TCF3: variants seen among roughly 807,000 people sequenced by gnomAD.
TCF3 encodes transcription factor E2-alpha.
In TCF3, 54 loss-of-function variants were observed where a neutral mutation model predicts 72.3. That is an observed-to-expected ratio of 0.75 (90% confidence interval 0.60 to 0.94). The LOEUF (loss-of-function observed/expected upper bound fraction) is 0.94. Ranked by LOEUF, TCF3 falls within the 40% of genes least tolerant of loss-of-function variation. TCF3 has a pLI of 0.00. For missense variants in TCF3, 1,078 were observed against 934.4 expected, an observed-to-expected ratio of 1.15 and a Z score of -2.00; for synonymous variants, 525 against 412.6, an observed-to-expected ratio of 1.27 and a Z score of -3.30.
chr19:1,621,185 C>G lies in TCF3; in HGVS notation c.962G>C (p.Arg321Pro). The G allele has an allele frequency of 6.5e-7, 1 of 1,536,386 alleles. No individual in the cohort carries two copies. Among genetic ancestry groups the G allele is most frequent in the Non-Finnish European group, 8.7e-7 (1 of 1,146,128 alleles). The change falls in exon 12 of 19, where the codon CGA becomes CCA. Residue 321 changes from arginine to proline, a missense_variant. Transcript: ENST00000262965. The stretch of plus-strand genomic sequence containing the variant: ...CCCGGAGCTGCCAGCTGTGGTCCCT[C>G]GGGAGCCTGTGGGTGAAGAGAGGTG... ...VSGADSLLGS[R>P]GTTAGSSGDA...
At chr19:1,618,055 C>T (rs928945335) in intron 16 of TCF3, among the ~76,000 whole-genome samples, 3 of 152,134 alleles carry the variant, frequency 2.0e-5, no homozygotes, top group Non-Finnish European at 4.4e-5. Context: ...AATGACCCCA[C>T]CTTCTCCTGG....
chr19:1,644,109 G>A (rs1185787184), intron 3 of TCF3, among the ~76,000 whole-genome samples: 3 of 152,228 alleles, frequency 2.0e-5, no homozygotes, highest in African/African-American at 7.2e-5. Flanking sequence ...TGGGTCCTCG[G>A]AGAGGAGAAG....
chr19:1,625,308 A>G (rs1350545786), intron 7 of TCF3, among the ~76,000 whole-genome samples: 2 of 152,240 alleles, frequency 1.3e-5, no homozygotes, highest in African/African-American at 4.8e-5. Flanking sequence ...CAGAAAGCAC[A>G]TGGCAGAGCC....
intron 1 of TCF3, among the ~76,000 whole-genome samples, chr19:1,651,952 G>GT (rs1208745926): frequency 6.6e-6 from 1 of 150,956 alleles, no homozygotes; most frequent in South Asian, 2.1e-4. Flanking sequence ...GCGCCCCGGG[G>GT]TCCCCGTGCG....
intron 7 of TCF3, among the ~76,000 whole-genome samples, chr19:1,624,489 G>A (rs932109217): frequency 2.6e-5 from 4 of 152,186 alleles, no homozygotes; most frequent in Non-Finnish European, 4.4e-5. Flanking sequence ...GTTTTCTCCC[G>A]CGACGCGCAG....
At chr19:1,638,554 T>C (rs551491734) in intron 3 of TCF3, among the ~76,000 whole-genome samples, 4 of 152,274 alleles carry the variant, frequency 2.6e-5, no homozygotes, top group East Asian at 3.9e-4. Flanking sequence ...TTTTTAAAAG[T>C]AGCAATTTAT....
intron 16 of TCF3, among the ~76,000 whole-genome samples, chr19:1,618,038 C>A: frequency 1.3e-5 from 2 of 152,252 alleles, no homozygotes; most frequent in South Asian, 4.1e-4. Flanking sequence ...GCCAGGACAG[C>A]GCCCACAATG....
chr19:1,644,779 CAG>C (rs2065834423), intron 3 of TCF3, among the ~76,000 whole-genome samples: 1 of 152,110 alleles, frequency 6.6e-6, no homozygotes, highest in African/African-American at 2.4e-5. Flanking sequence ...TGAGAGGCGA[CAG>C]GGGACGAGGG....
intron 2 of TCF3, among the ~76,000 whole-genome samples, chr19:1,648,603 CG>C (rs1312048946): frequency 6.6e-6 from 1 of 152,210 alleles, no homozygotes; most frequent in Non-Finnish European, 1.5e-5. Flanking sequence ...AAAAATAAAA[CG>C]GGGCTTAAAA....
At position 1,641,201 on chromosome 19, in the gene TCF3, A is replaced by G. The variant is rs889492061; in HGVS notation, c.145+5154T>C. 6.7e-5 allele frequency among the ~76,000 whole-genome samples: 10 copies of G among 150,174 alleles called. No homozygotes were observed. In the East Asian group the frequency reaches 2.0e-3, roughly 29 times the overall value. On this transcript the variant is annotated intron_variant, in intron 3 of 18. Coordinates refer to ENST00000262965, the MANE Select transcript of TCF3 (RefSeq NM_003200.5). Reference sequence around the variant, plus strand: ...AAGTTAATGAGGCAGCAATAAAAAGAAAAAAAAAAGATACAGCCAACAGCT... The same window carrying G: ...AAGTTAATGAGGCAGCAATAAAAAGGAAAAAAAAAGATACAGCCAACAGCT...
chr19:1,650,341 A>G, intron 1 of TCF3, 54 bp from the exon 2 acceptor site: 4 of 1,323,300 alleles, frequency 3.0e-6, no homozygotes, highest in East Asian at 2.5e-5. Context: ...AGGGGAGAAG[A>G]GTTGTGAGTG....
intron 5 of TCF3, among the ~76,000 whole-genome samples, chr19:1,630,053 C>A (rs976216376): frequency 2.6e-5 from 4 of 152,240 alleles, no homozygotes; most frequent in Admixed American, 2.6e-4. Flanking sequence ...CCTCTCCAAG[C>A]TGCCTGGCTA....
chr19:1,615,268 C>T lies in TCF3; in HGVS notation c.1822+17G>A. 6.4e-7 allele frequency: 1 copy of T among 1,566,496 alleles called. No homozygotes were observed. Among genetic ancestry groups the T allele is most frequent in the South Asian group, 1.2e-5 (1 of 84,974 alleles). ...GGTGGCGCTGCAGGGACGCTGGTGG[C>T]CCGCGCCCCCACTGACCTCGCACTT... is the stretch of plus-strand genomic sequence containing the variant. On this transcript the variant is annotated intron_variant, in intron 18 of 18. Transcript: ENST00000262965. This position sits in a 1 kb window ranked among gnomAD's most constrained non-coding sequence, Gnocchi z 7.3.
chr19:1,644,194 C>T (rs1231547260), intron 3 of TCF3, among the ~76,000 whole-genome samples: 3 of 152,198 alleles, frequency 2.0e-5, no homozygotes, highest in Non-Finnish European at 2.9e-5. Flanking sequence ...CCCATCGACT[C>T]GCTGAACCTG....
At chr19:1,645,439 G>A (rs1368247285) in intron 3 of TCF3, among the ~76,000 whole-genome samples, 1 of 152,106 alleles carries the variant, frequency 6.6e-6, no homozygotes, top group Non-Finnish European at 1.5e-5. Context: ...AACCATCCAG[G>A]GCTCCCCGCT....
chr19:1,652,175 G>C (rs2067222571), intron 1 of TCF3, 125 bp downstream of exon 1: 1 of 141,544 alleles, frequency 7.1e-6, no homozygotes, highest in Non-Finnish European at 1.5e-5. Context: ...GGCGCCCCCC[G>C]ACACCGCCCC....
intron 2 of TCF3, 82 bp from the exon 3 acceptor site, chr19:1,646,509 G>T: frequency 7.6e-7 from 1 of 1,323,236 alleles, no homozygotes; most frequent in African/African-American, 1.4e-5. Context: ...CAAGCTGGGA[G>T]CAGAGCTGGG....
intron 18 of TCF3, chr19:1,612,057 G>A (rs1251588955): frequency 7.4e-5 from 61 of 826,520 alleles, no homozygotes; most frequent in Non-Finnish European, 1.1e-5. Flanking sequence ...GTATCAGGGG[G>A]TGTCTGGGGA....
intron 18 of TCF3, among the ~76,000 whole-genome samples, chr19:1,613,787 G>T (rs528113979): frequency 1.3e-5 from 2 of 152,034 alleles, no homozygotes; most frequent in South Asian, 4.1e-4. Context: ...CCCAAGATGA[G>T]CCCTCCCTGA....
Sources: gnomAD v4.1 joint callset for allele counts (sites outside exome capture counted in the v4.1 genomes callset) on GRCh38, gnomAD v4.1.1 for gene constraint, Gnocchi (gnomAD v3.1) non-coding constraint, MANE v1.5 for transcripts, NCBI Gene and HGNC (gene_info 2026-07-23, HGNC 2026-07-21) for gene names.